Variants in GPC6 observed in about 807,000 individuals in gnomAD.
The protein encoded by GPC6 is glypican 6.
A neutral mutation model predicts 55.2 loss-of-function variants in GPC6; 14 were observed. The ratio of observed to expected loss-of-function variants is 0.25; its 90% confidence interval spans 0.17 to 0.40. GPC6 has a LOEUF of 0.40. GPC6 is among the 10% of genes least tolerant of loss of function. The pLI is 1.00. For synonymous variants in GPC6, 278 were observed against 259.6 expected, an observed-to-expected ratio of 1.07 and a Z score of -0.68; for missense variants, 641 against 708.5, an observed-to-expected ratio of 0.90 and a Z score of 1.08.
intron 3 of GPC6, among the ~76,000 whole-genome samples, chr13:94,018,944 C>A (rs896616282): frequency 1.2e-4 from 18 of 152,172 alleles, no homozygotes; most frequent in Admixed American, 3.3e-4. Context: ...CATTCCCCCA[C>A]CCCCACACCT....
At chr13:94,347,956 G>A (rs954197302) in intron 6 of GPC6, among the ~76,000 whole-genome samples, 2 of 152,232 alleles carry the variant, frequency 1.3e-5, no homozygotes, top group Non-Finnish European at 2.9e-5. Context: ...CATGCGGACA[G>A]CATCTATCTC....
chr13:93,656,162 G>C (rs977369289), intron 2 of GPC6, among the ~76,000 whole-genome samples: 1 of 152,064 alleles, frequency 6.6e-6, no homozygotes, highest in Non-Finnish European at 1.5e-5. Context: ...TAGTGAATTA[G>C]TTAAAATTAT....
chr13:94,073,956 A>G (rs1884823838), intron 4 of GPC6, among the ~76,000 whole-genome samples: 1 of 152,180 alleles, frequency 6.6e-6, no homozygotes, highest in African/African-American at 2.4e-5. Flanking sequence ...AATAAGTACG[A>G]TAATATCGTT....
At chr13:93,422,096 A>T (rs1359749139) in intron 1 of GPC6, among the ~76,000 whole-genome samples, 3 of 152,168 alleles carry the variant, frequency 2.0e-5, no homozygotes, top group Non-Finnish European at 4.4e-5. Context: ...GGCTGCTTCC[A>T]GTTCCCGTCA....
intron 2 of GPC6, among the ~76,000 whole-genome samples, chr13:93,744,554 T>TTTTTA (rs1884324846): frequency 7.1e-6 from 1 of 141,704 alleles, no homozygotes; most frequent in African/African-American, 2.6e-5. Flanking sequence ...TTTTTTTTTT[T>TTTTTA]ACAGTTGATC....
At chr13:93,438,026 T>A (rs912157640) in intron 1 of GPC6, among the ~76,000 whole-genome samples, 5 of 152,166 alleles carry the variant, frequency 3.3e-5, no homozygotes, top group African/African-American at 1.2e-4. Flanking sequence ...CTGACTGTGT[T>A]CTATAAGTGG....
intron 2 of GPC6, among the ~76,000 whole-genome samples, chr13:93,727,386 C>T (rs867479943): frequency 9.9e-5 from 15 of 152,222 alleles, no homozygotes; most frequent in Middle Eastern, 3.4e-3. Context: ...CACAATCTAT[C>T]CACATTTCAT....
At chr13:94,398,776 T>C (rs1881004097) in intron 8 of GPC6, 135 bp downstream of exon 8, 3 of 768,854 alleles carry the variant, frequency 3.9e-6, no homozygotes, top group Non-Finnish European at 6.7e-6. Context: ...ATTCTTGTTA[T>C]AGTCTTTTGG....
At chr13:94,304,788 C>T (rs1875854566) in intron 5 of GPC6, among the ~76,000 whole-genome samples, 1 of 152,200 alleles carries the variant, frequency 6.6e-6, no homozygotes, top group South Asian at 2.1e-4. Context: ...CATTACAATA[C>T]AATGTTTGAT....
intron 1 of GPC6, among the ~76,000 whole-genome samples, chr13:93,263,398 CTT>C (rs1352570188): frequency 6.6e-6 from 1 of 151,910 alleles, no homozygotes; most frequent in East Asian, 1.9e-4. Flanking sequence ...GAATTTCGCT[CTT>C]GTCACCCAGG....
intron 4 of GPC6, among the ~76,000 whole-genome samples, chr13:94,283,593 C>G (rs1423354706): frequency 3.3e-5 from 5 of 152,254 alleles, no homozygotes; most frequent in African/African-American, 4.8e-5. Context: ...GAGTCAGTGT[C>G]TCTCTGTGTG....
At chr13:93,803,629 A>G (rs1215118925) in intron 2 of GPC6, among the ~76,000 whole-genome samples, 8 of 152,220 alleles carry the variant, frequency 5.3e-5, no homozygotes, top group Non-Finnish European at 7.3e-5. Context: ...AAAAACTTCT[A>G]TATGAATGCA....
At chr13:93,960,814 TC>T (rs1879735203) in intron 3 of GPC6, among the ~76,000 whole-genome samples, 11 of 148,588 alleles carry the variant, frequency 7.4e-5, no homozygotes, top group South Asian at 2.2e-4. Flanking sequence ...TTTTTTTTTT[TC>T]TTTTTTTTTT....
chr13:94,291,415 G>C (rs1874970506), intron 5 of GPC6, among the ~76,000 whole-genome samples: 1 of 152,134 alleles, frequency 6.6e-6, no homozygotes, highest in African/African-American at 2.4e-5. Context: ...AGCCTAATGT[G>C]GAAGACGGAG....
intron 2 of GPC6, among the ~76,000 whole-genome samples, chr13:93,727,715 C>G (rs2138831907): frequency 1.3e-5 from 2 of 152,242 alleles, no homozygotes; most frequent in South Asian, 4.2e-4. Context: ...AAACTGATGG[C>G]CAGCCATTTG....
At position 93,318,540 on chromosome 13, in the gene GPC6, G is replaced by GA. The variant is rs1355507222; in HGVS notation, c.160+90930dup. ...ATCTCACTAAGGCTAAAATAAAGGGGAAAAAAGGATAGAAACATACATGAA... is the reference window on the plus strand; with the variant it reads ...ATCTCACTAAGGCTAAAATAAAGGGGAAAAAAAGGATAGAAACATACATGAA... On this transcript the variant is annotated intron_variant, in intron 1 of 8. Transcript: ENST00000377047. 5.3e-5 allele frequency among the ~76,000 whole-genome samples: 8 copies of GA among 152,084 alleles called. No individual in the cohort carries two copies. In the East Asian group the frequency reaches 1.5e-3, roughly 29 times the overall value.
intron 4 of GPC6, among the ~76,000 whole-genome samples, chr13:94,114,295 A>G (rs566155806): frequency 2.0e-5 from 3 of 152,208 alleles, no homozygotes; most frequent in Middle Eastern, 3.4e-3. Context: ...CTCCAAGGAC[A>G]AAAAGATGTC....
intron 5 of GPC6, among the ~76,000 whole-genome samples, chr13:94,298,117 A>T (rs1453582584): frequency 6.6e-6 from 1 of 152,150 alleles, no homozygotes; most frequent in East Asian, 1.9e-4. Flanking sequence ...CGTCATCAAG[A>T]TGTTTTAAGT....
chr13:93,237,009 A>T (rs571837712), intron 1 of GPC6, among the ~76,000 whole-genome samples: 12 of 152,120 alleles, frequency 7.9e-5, no homozygotes, highest in African/African-American at 2.9e-4. Flanking sequence ...TGCAATTGTG[A>T]GTTGTGTTGT....
Sources: allele counts gnomAD v4.1 joint callset (sites outside exome capture counted in the v4.1 genomes callset), GRCh38; gene constraint gnomAD v4.1.1; transcripts MANE v1.5; gene names NCBI Gene and HGNC (gene_info 2026-07-23, HGNC 2026-07-21).